Variants in CSMD1 observed in about 807,000 individuals in gnomAD.
The protein encoded by CSMD1 is CUB and Sushi multiple domains 1, also known as CUB and sushi domain-containing protein 1.
CSMD1 carries 213 observed loss-of-function variants against 417.5 expected under a neutral mutation model. The ratio of observed to expected loss-of-function variants is 0.51; its 90% CI spans 0.46 to 0.57. CSMD1 has a LOEUF of 0.57. CSMD1 is among the 20% of genes least tolerant of loss of function. The pLI is 0.00. For synonymous variants in CSMD1, 2,862 were observed against 1,736.8 expected (o/e 1.65, Z -16.11); for missense variants, 6,923 against 4,529.7 (o/e 1.53, Z -15.17).
chr8:3,018,792 T>C, intron 51 of CSMD1, 142 bp from the exon 52 acceptor site: 2 of 732,362 alleles, frequency 2.7e-6, no homozygotes, highest in Non-Finnish European at 4.4e-6. Context: ...GTTGAGAGTG[T>C]CTGCTTAGGG....
intron 10 of CSMD1, among the ~76,000 whole-genome samples, chr8:3,536,508 C>A (rs1272947555): frequency 6.6e-6 from 1 of 152,166 alleles, no homozygotes; most frequent in East Asian, 1.9e-4. Flanking sequence ...TTTTCCTCTC[C>A]AGGGTATCTT....
intron 3 of CSMD1, among the ~76,000 whole-genome samples, chr8:4,325,383 C>G (rs1490513521): frequency 6.6e-6 from 1 of 152,104 alleles, no homozygotes. Context: ...AGACAGACCT[C>G]CAAATCCCAC....
At chr8:4,295,238 AC>A (rs1797603683) in intron 3 of CSMD1, among the ~76,000 whole-genome samples, 1 of 121,016 alleles carries the variant, frequency 8.3e-6, no homozygotes, top group African/African-American at 2.8e-5. Context: ...GATTATATGC[AC>A]ATATAATCTT....
At chr8:4,645,560 G>T (rs1483175815) in intron 1 of CSMD1, among the ~76,000 whole-genome samples, 1 of 151,268 alleles carries the variant, frequency 6.6e-6, no homozygotes, top group Non-Finnish European at 1.5e-5. Context: ...TTGCCTCATG[G>T]ATATGAGCCC....
intron 3 of CSMD1, among the ~76,000 whole-genome samples, chr8:4,101,505 G>A (rs937676826): frequency 6.6e-6 from 1 of 152,308 alleles, no homozygotes; most frequent in East Asian, 1.9e-4. Context: ...TCACCCTGCA[G>A]TCACCAAATA....
chr8:4,881,330 A>T (rs865883285), intron 1 of CSMD1, among the ~76,000 whole-genome samples: 3 of 152,076 alleles, frequency 2.0e-5, no homozygotes, highest in Non-Finnish European at 4.4e-5. Flanking sequence ...TGAATACATA[A>T]TAACTAATAT....
chr8:4,399,501 CCTTAG>C (rs1804500153), intron 3 of CSMD1, among the ~76,000 whole-genome samples: 1 of 152,054 alleles, frequency 6.6e-6, no homozygotes, highest in African/African-American at 2.4e-5. Context: ...AGTTCAATGT[CCTTAG>C]CTTAACATTC....
intron 3 of CSMD1, among the ~76,000 whole-genome samples, chr8:4,359,494 C>G (rs909567504): frequency 1.3e-5 from 2 of 152,188 alleles, no homozygotes; most frequent in Non-Finnish European, 2.9e-5. Context: ...TCCTCTTTGT[C>G]TCTTATAGAC....
chr8:4,139,638 A>G (rs1434821063), intron 3 of CSMD1, among the ~76,000 whole-genome samples: 1 of 151,106 alleles, frequency 6.6e-6, no homozygotes, highest in Non-Finnish European at 1.5e-5. Context: ...GAATAGTGGG[A>G]CCAGCAGATG....
intron 12 of CSMD1, among the ~76,000 whole-genome samples, chr8:3,436,955 AG>A (rs1814605322): frequency 6.6e-6 from 1 of 152,146 alleles, no homozygotes; most frequent in African/African-American, 2.4e-5. Context: ...GCTAAAAAAA[AG>A]AGAGAAAAAA....
chr8:2,970,727 T>A lies in CSMD1; in HGVS notation c.8923+2390A>T, dbSNP rs150311373. ...CAGGTCTAGAGCCAAAATGTCACAATTCACAAACCCACCATGGTGCTTTCC... is the reference window on the plus strand; with the variant it reads ...CAGGTCTAGAGCCAAAATGTCACAAATCACAAACCCACCATGGTGCTTTCC... On this transcript the variant is annotated intron_variant, in intron 57 of 69. Transcript: ENST00000635120. Among the ~76,000 whole-genome samples the A allele has an allele frequency of 2.4e-3, 361 of 152,298 alleles. 1 individual carries two copies. Among genetic ancestry groups the A allele is most frequent in the African/African-American group, 8.3e-3 (343 of 41,574 alleles).
At chr8:3,750,750 C>G (rs1797298559) in intron 6 of CSMD1, among the ~76,000 whole-genome samples, 2 of 152,152 alleles carry the variant, frequency 1.3e-5, no homozygotes, top group Non-Finnish European at 2.9e-5. Context: ...GTGTGGAGGG[C>G]TGGGTGGCTG....
intron 31 of CSMD1, among the ~76,000 whole-genome samples, chr8:3,202,336 G>A (rs939814892): frequency 2.0e-5 from 3 of 152,126 alleles, no homozygotes; most frequent in African/African-American, 7.2e-5. Flanking sequence ...ATACGTTGCC[G>A]TATTCATACA....
intron 5 of CSMD1, among the ~76,000 whole-genome samples, chr8:3,820,898 C>A (rs556155411): frequency 2.6e-5 from 4 of 151,836 alleles, no homozygotes; most frequent in Non-Finnish European, 5.9e-5. Flanking sequence ...CCTTAAGGAC[C>A]TGCCTGAGGG....
At chr8:4,888,967 C>T (rs1447431704) in intron 1 of CSMD1, among the ~76,000 whole-genome samples, 4 of 151,962 alleles carry the variant, frequency 2.6e-5, no homozygotes, top group African/African-American at 4.8e-5. Context: ...AATATAATTC[C>T]AATTTCCAAG....
intron 2 of CSMD1, among the ~76,000 whole-genome samples, chr8:4,511,999 G>T (rs958378232): frequency 1.3e-5 from 2 of 152,046 alleles, no homozygotes; most frequent in Non-Finnish European, 2.9e-5. Flanking sequence ...AAAGAAAACT[G>T]CAGACCATCG....
At chr8:3,563,410 C>A (rs1585374341) in intron 10 of CSMD1, among the ~76,000 whole-genome samples, 2 of 41,002 alleles carry the variant, frequency 4.9e-5, no homozygotes, top group Admixed American at 2.7e-4. Flanking sequence ...AAAAAAAGTT[C>A]AAATGCATAA....
At chr8:3,772,185 TATATACACACAC>T (rs1362805292) in intron 5 of CSMD1, among the ~76,000 whole-genome samples, 9 of 70,026 alleles carry the variant, frequency 1.3e-4, no homozygotes, top group African/African-American at 3.8e-4. Flanking sequence ...TATATATATA[TATATACACACAC>T]ACACACACAC....
chr8:3,988,956 G>C (rs1585088048), intron 5 of CSMD1, among the ~76,000 whole-genome samples: 1 of 152,330 alleles, frequency 6.6e-6, no homozygotes, highest in East Asian at 1.9e-4. Context: ...CAAAAAATTT[G>C]AAGGTTATTT....
Sources: allele counts gnomAD v4.1 joint callset (sites outside exome capture counted in the v4.1 genomes callset), GRCh38; gene constraint gnomAD v4.1.1; transcripts MANE v1.5; gene names NCBI Gene and HGNC (gene_info 2026-07-23, HGNC 2026-07-21).